Variants in EIF4A3 observed in about 807,000 individuals in gnomAD.
The protein encoded by EIF4A3 is eukaryotic initiation factor 4A-III.
EIF4A3 carries 1 observed loss-of-function variant against 55.6 expected under a neutral mutation model. The ratio of observed to expected loss-of-function variants is 0.02; its 90% CI spans 0.01 to 0.09. EIF4A3 has a LOEUF of 0.09. EIF4A3 is among the 10% of genes least tolerant of loss of function. The pLI is 1.00. For synonymous variants in EIF4A3, 194 were observed against 196.3 expected (o/e 0.99, Z 0.10); for missense variants, 221 against 540.7 (o/e 0.41, Z 5.86).
rs777563300 is a variant in EIF4A3, at chr17:80,134,739, G to A, written c.*751C>T. 3.5e-4 allele frequency among the ~76,000 whole-genome samples: 54 copies of A among 152,256 alleles called. No homozygotes were observed. The highest frequency in any genetic ancestry group is 5.8e-4 in the East Asian group (3 of 5,184). The stretch of plus-strand genomic sequence containing the variant: ...CTCAGGAGGGTGAGGTGAGAGGATC[G>A]CTTGAGCCCAGGAGGTTGTGGCTGC... On this transcript the variant is annotated 3_prime_UTR_variant, in exon 12 of 12. Transcript: ENST00000649764.
intron 4 of EIF4A3, chr17:80,140,390 T>C (rs1197810480): frequency 9.6e-6 from 3 of 313,072 alleles, no homozygotes; most frequent in South Asian, 1.1e-4. Flanking sequence ...CTTAGCTCAC[T>C]GCAAGCTCCG....
At chr17:80,143,857 G>A (rs758678013) in intron 2 of EIF4A3, among the ~76,000 whole-genome samples, 2 of 152,116 alleles carry the variant, frequency 1.3e-5, no homozygotes, top group Non-Finnish European at 2.9e-5. Context: ...GTGCATGCCT[G>A]TAATCCCAGC....
At chr17:80,138,061 T>G in intron 8 of EIF4A3, 81 bp downstream of exon 8, 1 of 1,546,718 alleles carries the variant, frequency 6.5e-7, no homozygotes, top group East Asian at 2.3e-5. Context: ...GGCCCTTTAC[T>G]GAAAAATCTT....
Position 80,137,367 on chromosome 17 carries a change from C to T in EIF4A3, c.983+19G>A, listed in dbSNP as rs753201351. 5.6e-6 allele frequency: 9 copies of T among 1,607,742 alleles called. No individual in the cohort carries two copies. The highest frequency in any genetic ancestry group is 7.7e-6 in the Non-Finnish European group (9 of 1,176,008). On this transcript the variant is annotated intron_variant, in intron 9 of 11. Transcript: ENST00000649764. ...TCTAGCAAACCCTGACCTGCAGAGC[C>T]ACAGCATAGCAGACCCACCTGGCGC...
intron 4 of EIF4A3, among the ~76,000 whole-genome samples, 168 bp downstream of exon 4, chr17:80,141,151 A>C (rs2039615095): frequency 6.6e-6 from 1 of 152,242 alleles, no homozygotes; most frequent in African/African-American, 2.4e-5. Context: ...AAAATGACTT[A>C]ATACAAACCA....
rs1454417578 is a variant in EIF4A3, at chr17:80,134,766, A to G, written c.*724T>C. 1.3e-5 allele frequency among the ~76,000 whole-genome samples: 2 copies of G among 152,132 alleles called. No homozygotes were observed. Among genetic ancestry groups the G allele is most frequent in the African/African-American group, 2.4e-5 (1 of 41,430 alleles). ...TTGAGCCCAGGAGGTTGTGGCTGCA[A>G]TGAGTTGTGATGGTGCCACTGCTCT... On this transcript the variant is annotated 3_prime_UTR_variant, in exon 12 of 12. Coordinates refer to ENST00000649764, the MANE Select transcript of EIF4A3 (RefSeq NM_014740.4).
chr17:80,134,528 A>C lies in EIF4A3; in HGVS notation c.*962T>G, dbSNP rs1461246486. 2.0e-5 allele frequency among the ~76,000 whole-genome samples: 3 copies of C among 151,974 alleles called. No homozygotes were observed. Among genetic ancestry groups the C allele is most frequent in the African/African-American group, 7.3e-5 (3 of 41,348 alleles). On this transcript the variant is annotated 3_prime_UTR_variant, in exon 12 of 12. Coordinates refer to ENST00000649764, the MANE Select transcript of EIF4A3 (RefSeq NM_014740.4). ...TCTCAAAAAAACAACAAAAAAAAAA[A>C]ATTAGAAAAATGAGGCCAGGCATGG...
Position 80,136,173 on chromosome 17 carries a change from T to C in EIF4A3, c.1092-42A>G, listed in dbSNP as rs201630512. 8.5e-5 allele frequency: 137 copies of C among 1,613,316 alleles called. 2 individuals are homozygous for C. Among genetic ancestry groups the C allele is most frequent in the South Asian group, 1.1e-4 (10 of 90,990 alleles). ...ATATTACAGTTAGTATATATAACAATCAAGATTTAGTAAATGTGTCACAGA... is the reference window on the plus strand; with the variant it reads ...ATATTACAGTTAGTATATATAACAACCAAGATTTAGTAAATGTGTCACAGA... On this transcript the variant is annotated intron_variant, in intron 10 of 11. Coordinates refer to ENST00000649764, the MANE Select transcript of EIF4A3 (RefSeq NM_014740.4).
chr17:80,140,314 T>C lies in EIF4A3; in HGVS notation c.373-174A>G, dbSNP rs926401495. 441 of 50,512 alleles carry C rather than the reference T, an allele frequency of 8.7e-3. 1 individual carries two copies. The highest frequency in any genetic ancestry group is 0.039 in the African/African-American group (415 of 10,578). The allele number at this position is 50,512 out of a possible 1,614,324, so 3.1% of individuals were successfully genotyped here. On this transcript the variant is annotated intron_variant, in intron 4 of 11. Transcript: ENST00000649764. ...TCTGACAAAAACAAGTTAATTTTGC[T>C]TTTTTTTTTTTTTTTTTGAGACGGA...
Position 80,138,133 on chromosome 17 carries a change from G to A in EIF4A3, c.867+9C>T, listed in dbSNP as rs372548278. 6.8e-6 allele frequency: 11 copies of A among 1,613,406 alleles called. No individual in the cohort carries two copies. Among genetic ancestry groups the A allele is most frequent in the Non-Finnish European group, 9.3e-6 (11 of 1,179,542 alleles). On this transcript the variant is annotated intron_variant, in intron 8 of 11. Coordinates refer to ENST00000649764, the MANE Select transcript of EIF4A3 (RefSeq NM_014740.4). ...CTTCAGCACATGGATGCTGTGCAGTGCCTCTTACCTTTCTTTTGGTGTTGC... is the reference window on the plus strand; with the variant it reads ...CTTCAGCACATGGATGCTGTGCAGTACCTCTTACCTTTCTTTTGGTGTTGC...
rs1185039081 is a variant in EIF4A3 at position 80,140,048 on chromosome 17, G to A, written c.465C>T (p.Tyr155=). The change falls in exon 5 of 12, where the codon TAC becomes TAT. Residue 155 remains tyrosine (Y), a synonymous_variant. Coordinates refer to ENST00000649764, the MANE Select transcript of EIF4A3 (RefSeq NM_014740.4). ...NVGEDIRKLD[Y]GQHVVAGTPG... Reference sequence around the variant, plus strand: ...GAGTGCCCGCGACAACATGCTGTCCGTAATCCAGCTTCCTGATGTCCTCGC... The same window carrying A: ...GAGTGCCCGCGACAACATGCTGTCCATAATCCAGCTTCCTGATGTCCTCGC... The A allele has an allele frequency of 6.8e-6, 11 of 1,613,776 alleles. No homozygotes were observed. The highest frequency in any genetic ancestry group is 4.5e-5 in the East Asian group (2 of 44,880).
chr17:80,136,217 T>C lies in EIF4A3; in HGVS notation c.1091+11A>G. 6.2e-7 allele frequency: 1 copy of C among 1,613,568 alleles called. No homozygotes were observed. The highest frequency in any genetic ancestry group is 8.5e-7 in the Non-Finnish European group (1 of 1,179,588). ...TCACAGAAGTGAAGCCAATGAGAGC[T>C]TGCACCTTACCTGTGTATGTACAAT... On this transcript the variant is annotated intron_variant, in intron 10 of 11. Coordinates refer to ENST00000649764, the MANE Select transcript of EIF4A3 (RefSeq NM_014740.4).
Position 80,136,020 on chromosome 17 carries a change from A to G in EIF4A3, c.1203T>C (p.Asp401=), listed in dbSNP as rs2039567516. ...DIEQYYSTQI[D]EMPMNVADLI is the part of the protein sequence containing the mutation. Reference sequence around the variant, plus strand: ...ATTTCCTACCGTTCATCGGCATCTCATCAATCTGAGTGGAATAGTACTGCT... The same window carrying G: ...ATTTCCTACCGTTCATCGGCATCTCGTCAATCTGAGTGGAATAGTACTGCT... The change falls in exon 11 of 12, where the codon GAT becomes GAC. Residue 401 remains aspartate (D), a synonymous_variant. Coordinates refer to ENST00000649764, the MANE Select transcript of EIF4A3 (RefSeq NM_014740.4). 1.2e-6 allele frequency: 2 copies of G among 1,613,834 alleles called. No individual in the cohort carries two copies. The highest frequency in any genetic ancestry group is 1.7e-6 in the Non-Finnish European group (2 of 1,179,818).
rs892891825 is a variant in EIF4A3, at chr17:80,137,573, C to T, written c.868-72G>A. 142 of 1,183,712 alleles carry T rather than the reference C, an allele frequency of 1.2e-4. 1 individual carries two copies. The South Asian group carries it at 1.6e-3, about 13-fold the overall frequency. 73.3% of individuals were successfully genotyped at this position (1,183,712 alleles called of 1,614,324 possible). Reference sequence around the variant, plus strand: ...CAGAGATGTGCATTCGGGACTTTACCGCATCATTTGCAGAACCAGTATCAA... The same window carrying T: ...CAGAGATGTGCATTCGGGACTTTACTGCATCATTTGCAGAACCAGTATCAA... On this transcript the variant is annotated intron_variant, in intron 8 of 11. Transcript: ENST00000649764.
chr17:80,143,509 G>C (rs1211758781), intron 2 of EIF4A3, among the ~76,000 whole-genome samples: 2 of 152,188 alleles, frequency 1.3e-5, no homozygotes, highest in African/African-American at 2.4e-5. Flanking sequence ...GGTGTGAGTT[G>C]AACTGGAGGA....
At chr17:80,146,734 AGCCCCCGGCTC>A (rs903658096) in intron 1 of EIF4A3, 48 bp downstream of exon 1, 20 of 1,560,598 alleles carry the variant, frequency 1.3e-5, no homozygotes, top group African/African-American at 2.8e-5. Flanking sequence ...TCTGGCCCTC[AGCCCCCGGCTC>A]GCCCCCGACT....
At chr17:80,141,488 T>C in intron 3 of EIF4A3, 107 bp from the exon 4 acceptor site, 1 of 1,158,574 alleles carries the variant, frequency 8.6e-7, no homozygotes, top group South Asian at 1.3e-5. Flanking sequence ...ATATTAATCA[T>C]ACTTCTCATC....
At chr17:80,139,885 T>A (rs1598604929) in intron 5 of EIF4A3, 123 bp downstream of exon 5, 1 of 1,514,702 alleles carries the variant, frequency 6.6e-7, no homozygotes, top group Non-Finnish European at 8.9e-7. Flanking sequence ...CTCTACCTCC[T>A]GCAAGTGACC....
chr17:80,144,288 A>G, intron 1 of EIF4A3, 44 bp from the exon 2 acceptor site: 1 of 1,589,132 alleles, frequency 6.3e-7, no homozygotes, highest in Non-Finnish European at 8.6e-7. Context: ...CAATGACAGC[A>G]TAGAAACCCT....
Sources: allele counts gnomAD v4.1 joint callset (sites outside exome capture counted in the v4.1 genomes callset), GRCh38; gene constraint gnomAD v4.1.1; transcripts MANE v1.5; gene names NCBI Gene and HGNC (gene_info 2026-07-23, HGNC 2026-07-21).